SEMA4D: variants seen among roughly 807,000 people sequenced by gnomAD.
SEMA4D encodes the protein semaphorin 4D, also known as semaphorin-4D.
Under a neutral mutation model 74.8 loss-of-function variants are expected in SEMA4D, and 22 were observed. The observed-to-expected ratio is 0.29, with a 90% CI of 0.21 to 0.42. SEMA4D has a LOEUF of 0.42. SEMA4D is among the 10% of genes least tolerant of loss of function. The pLI is 1.00. For missense variants in SEMA4D, 937 were observed against 1,118.4 expected (o/e 0.84, Z 2.31); for synonymous variants, 445 against 463.7 (o/e 0.96, Z 0.52).
intron 2 of SEMA4D, among the ~76,000 whole-genome samples, chr9:89,426,827 C>T (rs1848222082): frequency 6.6e-6 from 1 of 152,170 alleles, no homozygotes; most frequent in South Asian, 2.1e-4. Flanking sequence ...AACTCACTTC[C>T]CATCAACAGT....
At chr9:89,375,548 C>T (rs1257523489), downstream of SEMA4D, among the ~76,000 whole-genome samples, 1 of 152,368 alleles carries the variant, frequency 6.6e-6, no homozygotes, top group East Asian at 1.9e-4. Flanking sequence ...TCAGGAGCTA[C>T]TGACAGTGTG....
intron 5 of SEMA4D, 41 bp downstream of exon 5, chr9:89,399,235 T>A: frequency 6.5e-7 from 1 of 1,539,060 alleles, no homozygotes; most frequent in Non-Finnish European, 9.0e-7. Context: ...AACCAAGAAA[T>A]ACTTGAATGG....
chr9:89,443,602 C>T lies in SEMA4D; in HGVS notation c.-244+12286G>A, dbSNP rs1171354110. Among the ~76,000 whole-genome samples the T allele has an allele frequency of 2.6e-5, 4 of 152,212 alleles. No homozygotes were observed. The East Asian group carries it at 7.7e-4, about 29-fold the overall frequency. ...CTGGGGTAGGCGGGTGGCGGACGGC[C>T]CTGGCCCTGCAGCGCTCAGCTGCAC... is the stretch of plus-strand genomic sequence containing the variant. On this transcript the variant is annotated intron_variant, in intron 2 of 15. Coordinates refer to ENST00000422704, the MANE Select transcript of SEMA4D (RefSeq NM_001371194.2).
downstream of SEMA4D, among the ~76,000 whole-genome samples, chr9:89,372,251 CTGTGGTGGGTGTGTGGGG>C (rs1170123105): frequency 7.8e-4 from 36 of 46,098 alleles, no homozygotes; most frequent in African/African-American, 3.0e-3. Flanking sequence ...TGTGTCTGGG[CTGTGGTGGGTGTGTGGGG>C]TGTGGTGTGT....
At chr9:89,474,538 C>T (rs929002741) in intron 1 of SEMA4D, among the ~76,000 whole-genome samples, 1 of 152,204 alleles carries the variant, frequency 6.6e-6, no homozygotes, top group Non-Finnish European at 1.5e-5. Context: ...CTAAAACTCA[C>T]CTGCAGAACT....
chr9:89,407,641 A>AT (rs1843598718), intron 2 of SEMA4D, among the ~76,000 whole-genome samples: 1 of 152,136 alleles, frequency 6.6e-6, no homozygotes, highest in Non-Finnish European at 1.5e-5. Flanking sequence ...AAATGTTTCA[A>AT]CACCTTCTCA....
intron 2 of SEMA4D, 102 bp from the exon 3 acceptor site, chr9:89,405,801 C>T: frequency 7.7e-7 from 1 of 1,303,222 alleles, no homozygotes; most frequent in East Asian, 2.9e-5. Context: ...TCACCCGGGT[C>T]CATCTGCTGA....
intron 2 of SEMA4D, among the ~76,000 whole-genome samples, chr9:89,446,206 C>A (rs1852800509): frequency 6.6e-6 from 1 of 152,148 alleles, no homozygotes; most frequent in Non-Finnish European, 1.5e-5. Context: ...AGCCTCTGTG[C>A]CCTCTGTGCC....
intron 2 of SEMA4D, among the ~76,000 whole-genome samples, chr9:89,423,149 C>T (rs1847318327): frequency 6.6e-6 from 1 of 151,268 alleles, no homozygotes; most frequent in African/African-American, 2.4e-5. Flanking sequence ...CAAAGTAATA[C>T]TATATTTGCT....
Position 89,450,228 on chromosome 9 carries a change from T to C in SEMA4D, c.-244+5660A>G, listed in dbSNP as rs61736840. On this transcript the variant is annotated intron_variant, in intron 2 of 15. Coordinates refer to ENST00000422704, the MANE Select transcript of SEMA4D (RefSeq NM_001371194.2). ...AGCTGAATTTGAGGTACATGAAGTA[T>C]ATGCTGTGGATGTTCTCATCAGCTC... 1.0e-2 allele frequency: 12,212 copies of C among 1,224,324 alleles called. 518 individuals are homozygous for C. In the East Asian group the frequency reaches 0.12, roughly 12 times the overall value. 75.8% of individuals were successfully genotyped at this position (1,224,324 alleles called of 1,614,324 possible).
chr9:89,385,613 C>T (rs1018318765), intron 13 of SEMA4D: 21 of 965,660 alleles, frequency 2.2e-5, no homozygotes, highest in Middle Eastern at 5.3e-4. Flanking sequence ...GAGGTGACCA[C>T]GTAAAAGGAC....
At chr9:89,477,495 C>T (rs1168450495) in intron 1 of SEMA4D, among the ~76,000 whole-genome samples, 1 of 152,204 alleles carries the variant, frequency 6.6e-6, no homozygotes, top group Non-Finnish European at 1.5e-5. Flanking sequence ...GCCCCAGGGA[C>T]ACACAGCACA....
Position 89,438,756 on chromosome 9 carries a change from C to G in SEMA4D, c.-244+17132G>C, listed in dbSNP as rs542815896. On this transcript the variant is annotated intron_variant, in intron 2 of 15. Transcript: ENST00000422704. ...TCTCGGCTCACTGCAAGCTCTGCCT[C>G]CCAGGTTCACGCCATTCTCCTGCCT... Among the ~76,000 whole-genome samples the G allele has an allele frequency of 4.0e-5, 6 of 151,658 alleles. 1 individual carries two copies. In the South Asian group the frequency reaches 1.3e-3, roughly 32 times the overall value.
chr9:89,429,227 C>T (rs142524803), intron 2 of SEMA4D, among the ~76,000 whole-genome samples: 2,092 of 152,328 alleles, frequency 0.014, 14 homozygotes, highest in Middle Eastern at 0.02. Context: ...AGGAGTTGTA[C>T]CAGGCCGGCG....
chr9:89,374,735 G>T (rs1399724767), downstream of SEMA4D, among the ~76,000 whole-genome samples: 1 of 152,284 alleles, frequency 6.6e-6, no homozygotes, highest in South Asian at 2.1e-4. Context: ...GCTACAGGGG[G>T]TACACCTGGA....
chr9:89,363,903 CCAGAGCTCG>C, exon 17 of SEMA4D: 1 of 1,614,110 alleles, frequency 6.2e-7, no homozygotes, highest in Non-Finnish European at 8.5e-7. Context: ...ACACAGGTCT[CCAGAGCTCG>C]CCCATTCTTC....
At chr9:89,364,143 G>A (rs569320537) in intron 16 of SEMA4D, 63 of 1,167,688 alleles carry the variant, frequency 5.4e-5, no homozygotes, top group African/African-American at 4.0e-4. Flanking sequence ...GCCTTGGCCC[G>A]TCCTGTGGAC....
At chr9:89,394,474 C>T (rs1840491085) in intron 6 of SEMA4D, among the ~76,000 whole-genome samples, 1 of 152,210 alleles carries the variant, frequency 6.6e-6, no homozygotes, top group African/African-American at 2.4e-5. Context: ...ACAGAAGAAA[C>T]CCATCTGGAC....
At chr9:89,391,845 G>A (rs760797216) in intron 8 of SEMA4D, among the ~76,000 whole-genome samples, 8 of 152,196 alleles carry the variant, frequency 5.3e-5, no homozygotes, top group Non-Finnish European at 7.3e-5. Flanking sequence ...AGGAATGGCC[G>A]ACTGTCCCTG....
Sources: gnomAD v4.1 joint callset for allele counts (sites outside exome capture counted in the v4.1 genomes callset) on GRCh38, gnomAD v4.1.1 for gene constraint, MANE v1.5 for transcripts, NCBI Gene and HGNC (gene_info 2026-07-23, HGNC 2026-07-21) for gene names.